PRKAR1B: variants seen among roughly 807,000 people sequenced by gnomAD.
PRKAR1B encodes the protein cAMP-dependent protein kinase type I-beta regulatory subunit.
Under a neutral mutation model 46.5 loss-of-function variants are expected in PRKAR1B, and 22 were observed. That is an observed-to-expected ratio of 0.47 (90% CI 0.34 to 0.68). The LOEUF is 0.68. Ranked by LOEUF, PRKAR1B falls within the 30% of genes least tolerant of loss-of-function variation. The pLI is 0.01. For synonymous variants in PRKAR1B, 259 were observed against 217.7 expected (o/e 1.19, Z -1.67); for missense variants, 445 against 535.6 (o/e 0.83, Z 1.67).
rs183628937 is a variant in PRKAR1B at position 706,486 on chromosome 7, C to T, written c.177+4843G>A. On this transcript the variant is annotated intron_variant, in intron 2 of 10. Coordinates refer to ENST00000537384, the MANE Select transcript of PRKAR1B (RefSeq NM_001164760.2). ...TCACCCAGGCTAGAGTGCAGTGGCG[C>T]GATCTGGGCTCACTGCAACCTCTAC... Among the ~76,000 whole-genome samples the T allele has an allele frequency of 4.6e-3, 609 of 132,890 alleles. 6 individuals are homozygous for T. The highest frequency in any genetic ancestry group is 0.014 in the Middle Eastern group (3 of 208). The allele number at this position is 132,890 out of a possible 152,430, so 87.2% of individuals were successfully genotyped here.
chr7:650,106 T>A (rs1200904818), intron 4 of PRKAR1B, among the ~76,000 whole-genome samples: 1 of 151,718 alleles, frequency 6.6e-6, no homozygotes, highest in East Asian at 1.9e-4. Context: ...GCATCAGCCA[T>A]CATGCCCAGC....
At chr7:669,881 T>TTTTTTTTTTTTA in intron 4 of PRKAR1B, among the ~76,000 whole-genome samples, 1 of 148,766 alleles carries the variant, frequency 6.7e-6, no homozygotes, top group Non-Finnish European at 1.5e-5. Context: ...TTTTTTTTTT[T>TTTTTTTTTTTTA]TTGAGACGGA....
At chr7:715,737 A>G (rs1333182568) in intron 1 of PRKAR1B, among the ~76,000 whole-genome samples, 1 of 151,272 alleles carries the variant, frequency 6.6e-6, no homozygotes, top group Non-Finnish European at 1.5e-5. Flanking sequence ...TTTTTTTGAG[A>G]CAGAGTCTCA....
At chr7:630,861 G>A (rs1369179926) in intron 4 of PRKAR1B, among the ~76,000 whole-genome samples, 10 of 152,172 alleles carry the variant, frequency 6.6e-5, no homozygotes, top group Non-Finnish European at 1.0e-4. Flanking sequence ...GGGCCCACAC[G>A]TGTGACCTTC....
At chr7:569,645 C>T (rs1779385349) in intron 9 of PRKAR1B, among the ~76,000 whole-genome samples, 1 of 152,180 alleles carries the variant, frequency 6.6e-6, no homozygotes. Context: ...CTGTGTGTCC[C>T]TCTCGGTCAG....
chr7:646,576 G>A (rs1784632359), intron 4 of PRKAR1B, among the ~76,000 whole-genome samples: 1 of 152,222 alleles, frequency 6.6e-6, no homozygotes, highest in African/African-American at 2.4e-5. Flanking sequence ...TCCTAATGGG[G>A]CTGCGTGCAG....
In PRKAR1B at chr7:593,720, G is replaced by A. The variant is rs1005165035; in HGVS notation, c.708+2426C>T. 6.6e-6 allele frequency among the ~76,000 whole-genome samples: 1 copy of A among 152,170 alleles called. No homozygotes were observed. Among genetic ancestry groups the A allele is most frequent in the African/African-American group, 2.4e-5 (1 of 41,442 alleles). ...GAGGCCTCCCAGTGAAGGCAGGAGT[G>A]AGCGGGTTCAGACAGAAGAGAGGGA... On this transcript the variant is annotated intron_variant, in intron 7 of 10. Coordinates refer to ENST00000537384, the MANE Select transcript of PRKAR1B (RefSeq NM_001164760.2). The surrounding 1 kb of genome is among the most constrained non-coding windows in gnomAD (Gnocchi z 6.1).
Position 583,204 on chromosome 7 carries a change from C to T in PRKAR1B, c.769+1304G>A, listed in dbSNP as rs1281099684. Reference sequence around the variant, plus strand: ...TTCCGGGAAAGGTCAAAACGGTCGGCGTGCTGTGACGTGCATTTTACCACA... The same window carrying T: ...TTCCGGGAAAGGTCAAAACGGTCGGTGTGCTGTGACGTGCATTTTACCACA... On this transcript the variant is annotated intron_variant, in intron 8 of 10. Transcript: ENST00000537384. Among the ~76,000 whole-genome samples the T allele has an allele frequency of 2.0e-5, 3 of 152,088 alleles. No individual in the cohort carries two copies. The East Asian group carries it at 5.8e-4, about 29-fold the overall frequency.
At chr7:582,826 C>T (rs1368573090) in intron 8 of PRKAR1B, among the ~76,000 whole-genome samples, 4 of 152,262 alleles carry the variant, frequency 2.6e-5, no homozygotes, top group South Asian at 2.1e-4. Context: ...GACGCCCAGA[C>T]GGGCGGCAGA....
At chr7:573,606 C>A (rs772579171) in intron 9 of PRKAR1B, among the ~76,000 whole-genome samples, 6 of 152,220 alleles carry the variant, frequency 3.9e-5, no homozygotes, top group African/African-American at 1.4e-4. Flanking sequence ...GTGAGCCCCC[C>A]AAGATCACGA....
intron 10 of PRKAR1B, among the ~76,000 whole-genome samples, 193 bp from the exon 11 acceptor site, chr7:550,795 GTTTA>G (rs1232734637): frequency 6.6e-6 from 1 of 152,196 alleles, no homozygotes; most frequent in Admixed American, 6.5e-5. Context: ...CTAATGAATT[GTTTA>G]TTATCTGAAA....
At chr7:607,321 ATTTTT>A in intron 5 of PRKAR1B, 65 bp downstream of exon 5, 1 of 1,273,934 alleles carries the variant, frequency 7.8e-7, no homozygotes, top group Non-Finnish European at 1.1e-6. Context: ...CCCTTATGCT[ATTTTT>A]TTTTTAAGTG....
intron 4 of PRKAR1B, among the ~76,000 whole-genome samples, chr7:611,222 C>A (rs1024605980): frequency 6.6e-6 from 1 of 152,258 alleles, no homozygotes; most frequent in Non-Finnish European, 1.5e-5. Flanking sequence ...AGGGGCAGAG[C>A]CCTCCTCCGA....
At chr7:601,930 G>A (rs903975143) in intron 6 of PRKAR1B, among the ~76,000 whole-genome samples, 5 of 151,770 alleles carry the variant, frequency 3.3e-5, no homozygotes, top group East Asian at 1.9e-4. Flanking sequence ...GCGCAGGGAC[G>A]GGCAGGGGGA....
chr7:704,585 G>T (rs1780219406), intron 2 of PRKAR1B, among the ~76,000 whole-genome samples: 1 of 152,094 alleles, frequency 6.6e-6, no homozygotes, highest in South Asian at 2.1e-4. Flanking sequence ...AGAGCAGCCT[G>T]TCCAACATGG....
chr7:643,657 G>T (rs964598698), intron 4 of PRKAR1B, among the ~76,000 whole-genome samples: 3 of 147,308 alleles, frequency 2.0e-5, no homozygotes, highest in African/African-American at 5.3e-5. Flanking sequence ...GGGAGGTGGA[G>T]GTTGCAGTGA....
intron 2 of PRKAR1B, among the ~76,000 whole-genome samples, chr7:692,660 G>C (rs1263075566): frequency 6.6e-6 from 1 of 152,166 alleles, no homozygotes; most frequent in African/African-American, 2.4e-5. Context: ...CAGTCGCCCG[G>C]GAGAAACAGA....
chr7:614,866 C>T (rs1044701881), intron 4 of PRKAR1B, among the ~76,000 whole-genome samples: 1 of 151,496 alleles, frequency 6.6e-6, no homozygotes, highest in Non-Finnish European at 1.5e-5. Flanking sequence ...GAGCTGAGAT[C>T]GCACCACTGC....
intron 4 of PRKAR1B, among the ~76,000 whole-genome samples, chr7:625,824 G>A (rs1350557477): frequency 1.3e-5 from 2 of 152,110 alleles, no homozygotes; most frequent in African/African-American, 4.8e-5. Context: ...TGGCCAAGAT[G>A]GTGAAACCCC....
Sources: gnomAD v4.1 joint callset for allele counts (sites outside exome capture counted in the v4.1 genomes callset) on GRCh38, gnomAD v4.1.1 for gene constraint, Gnocchi (gnomAD v3.1) non-coding constraint, MANE v1.5 for transcripts, NCBI Gene and HGNC (gene_info 2026-07-23, HGNC 2026-07-21) for gene names.